RPTOR: variants seen among roughly 807,000 people sequenced by gnomAD.
RPTOR encodes regulatory associated protein of MTOR complex 1.
RPTOR carries 21 observed loss-of-function variants against 169.9 expected under a neutral mutation model. The ratio of observed to expected loss-of-function variants is 0.12; its 90% confidence interval spans 0.09 to 0.18. The LOEUF is 0.18. RPTOR is among the 10% of genes least tolerant of loss of function. The probability of loss-of-function intolerance (pLI) is 1.00; values close to 1 mark genes in which losing one functional copy is unlikely to be tolerated. For synonymous variants in RPTOR, 732 were observed against 753.2 expected (o/e 0.97, Z 0.46); for missense variants, 1,133 against 1,855.9 (o/e 0.61, Z 7.16).
Position 80,861,615 on chromosome 17 carries a change from G to A in RPTOR, c.1509+3715G>A, listed in dbSNP as rs1405640005. ...CCACGGATGAAGGACCATGTGTAGG[G>A]GCTCTGGGATGCACAAAACGGTGAC... On this transcript the variant is annotated intron_variant, in intron 13 of 33. Coordinates refer to ENST00000306801, the MANE Select transcript of RPTOR (RefSeq NM_020761.3). The surrounding 1 kb of genome is among the most constrained non-coding windows in gnomAD (Gnocchi z 4.5). Among the ~76,000 whole-genome samples the A allele has an allele frequency of 1.3e-5, 2 of 152,260 alleles. No individual in the cohort carries two copies. Among genetic ancestry groups the A allele is most frequent in the South Asian group, 2.1e-4 (1 of 4,820 alleles).
At position 80,695,667 on chromosome 17, in the gene RPTOR, G is replaced by A. The variant is rs1049209657; in HGVS notation, c.349-12174G>A. ...CGTTACCCCGAATTCCAGAATAATC[G>A]TGAGAAGGAGCCAGTGGAGTGGTGT... On this transcript the variant is annotated intron_variant, in intron 3 of 33. Coordinates refer to ENST00000306801, the MANE Select transcript of RPTOR (RefSeq NM_020761.3). This position sits in a 1 kb window ranked among gnomAD's most constrained non-coding sequence, Gnocchi z 4.9. Among the ~76,000 whole-genome samples, 2 of 152,180 alleles carry A rather than the reference G, an allele frequency of 1.3e-5. No homozygotes were observed. Among genetic ancestry groups the A allele is most frequent in the African/African-American group, 4.8e-5 (2 of 41,432 alleles).
At chr17:80,830,549 G>T (rs940085706) in intron 9 of RPTOR, among the ~76,000 whole-genome samples, 9 of 152,162 alleles carry the variant, frequency 5.9e-5, no homozygotes, top group African/African-American at 2.2e-4. Flanking sequence ...GGGCTGCTGC[G>T]CCCCACGGTG....
At chr17:80,776,863 G>A (rs923842121) in intron 6 of RPTOR, among the ~76,000 whole-genome samples, 2 of 152,158 alleles carry the variant, frequency 1.3e-5, no homozygotes, top group Non-Finnish European at 2.9e-5. Flanking sequence ...GTATTACAAG[G>A]CCGGAGACAG....
rs572438905 is a variant in RPTOR, at chr17:80,932,471, A to T, written c.2919+6991A>T. 1.8e-4 allele frequency among the ~76,000 whole-genome samples: 28 copies of T among 152,342 alleles called. 1 individual carries two copies. In the South Asian group the frequency reaches 5.6e-3, roughly 30 times the overall value. ...TTGGAACTATCAGAGATGGAGTGGA[A>T]ATAACCAAGATTAATATGACCTAAA... On this transcript the variant is annotated intron_variant, in intron 24 of 33. Coordinates refer to ENST00000306801, the MANE Select transcript of RPTOR (RefSeq NM_020761.3).
chr17:80,684,490 C>CTGGA (rs1265380397), intron 3 of RPTOR, among the ~76,000 whole-genome samples: 3 of 151,616 alleles, frequency 2.0e-5, no homozygotes, highest in African/African-American at 7.3e-5. Flanking sequence ...GCCGCCCAGG[C>CTGGA]TGGAGTTGCA....
chr17:80,718,352 C>G (rs1223150011), intron 4 of RPTOR, among the ~76,000 whole-genome samples: 1 of 152,128 alleles, frequency 6.6e-6, no homozygotes, highest in Non-Finnish European at 1.5e-5. Flanking sequence ...TATGTTCTAC[C>G]CTTACCCCTC....
chr17:80,845,201 C>T lies in RPTOR; in HGVS notation c.1213-1272C>T, dbSNP rs1322661553. Among the ~76,000 whole-genome samples the T allele has an allele frequency of 6.6e-6, 1 of 152,156 alleles. No homozygotes were observed. The highest frequency in any genetic ancestry group is 1.9e-4 in the East Asian group (1 of 5,176). On this transcript the variant is annotated intron_variant, in intron 10 of 33. Transcript: ENST00000306801. The surrounding 1 kb of genome is among the most constrained non-coding windows in gnomAD (Gnocchi z 5.4). ...TGCTCCATGGCACCCAGGCGAATCC[C>T]CCTCCACTCTGTGCCTGCACTCACG...
rs75073061 is a variant in RPTOR, at chr17:80,781,890, A to G, written c.831-9560A>G. On this transcript the variant is annotated intron_variant, in intron 6 of 33. Transcript: ENST00000306801. ...TATCTTGGTCTCCAGCCCAGTTTAG[A>G]CCTCCTTCTAGCTGATCTCTTCTCT... is the stretch of plus-strand genomic sequence containing the variant. Among the ~76,000 whole-genome samples the G allele has an allele frequency of 5.6e-4, 85 of 151,954 alleles. No homozygotes were observed. In the East Asian group the frequency reaches 0.011, roughly 19 times the overall value.
chr17:80,713,005 T>C (rs2066208460), intron 4 of RPTOR, among the ~76,000 whole-genome samples: 1 of 152,212 alleles, frequency 6.6e-6, no homozygotes, highest in African/African-American at 2.4e-5. Flanking sequence ...ATTTTAAGAA[T>C]CAGGTTGTTT....
At chr17:80,703,696 C>T (rs948087321) in intron 3 of RPTOR, among the ~76,000 whole-genome samples, 9 of 152,196 alleles carry the variant, frequency 5.9e-5, no homozygotes, top group Admixed American at 5.9e-4. Flanking sequence ...TTCCCAGGGC[C>T]CCAGTACTGC....
At chr17:80,663,119 T>TA (rs2065736944) in intron 3 of RPTOR, among the ~76,000 whole-genome samples, 1 of 152,224 alleles carries the variant, frequency 6.6e-6, no homozygotes, top group Non-Finnish European at 1.5e-5. Context: ...GGGTGAGGCT[T>TA]CTGAGACTCG....
chr17:80,893,315 G>GGTGTGTGCGCGCGCCAGGT (rs1329182650), intron 19 of RPTOR, among the ~76,000 whole-genome samples: 3 of 145,490 alleles, frequency 2.1e-5, no homozygotes, highest in Admixed American at 6.8e-5. Flanking sequence ...GTGTGCGCCA[G>GGTGTGTGCGCGCGCCAGGT]GTGTGTGCGC....
intron 1 of RPTOR, among the ~76,000 whole-genome samples, chr17:80,553,133 C>T (rs1196017412): frequency 2.0e-5 from 3 of 152,230 alleles, no homozygotes; most frequent in East Asian, 1.9e-4. Flanking sequence ...ATTTCTTTGC[C>T]ATGCACATGG....
intron 13 of RPTOR, among the ~76,000 whole-genome samples, chr17:80,862,775 G>T (rs1427839255): frequency 2.0e-5 from 3 of 149,450 alleles, no homozygotes; most frequent in African/African-American, 7.7e-5. Flanking sequence ...GTGACTCCTG[G>T]GGCTTGCCAT....
chr17:80,890,175 C>G (rs2068302687), intron 17 of RPTOR, among the ~76,000 whole-genome samples: 2 of 152,202 alleles, frequency 1.3e-5, no homozygotes, highest in Admixed American at 1.3e-4. Context: ...ACAGACGTGG[C>G]CCCTGTTGGC....
rs1487183401 is a variant in RPTOR at position 80,646,402 on chromosome 17, G to A, written c.348+2592G>A. ...GTAATAATAGCACTTGCCCCGGTGCGCGTGGCACACTGCTCCTCACAGCTT... is the reference window on the plus strand; with the variant it reads ...GTAATAATAGCACTTGCCCCGGTGCACGTGGCACACTGCTCCTCACAGCTT... On this transcript the variant is annotated intron_variant, in intron 3 of 33. Transcript: ENST00000306801. This position sits in a 1 kb window ranked among gnomAD's most constrained non-coding sequence, Gnocchi z 5.0. 2.6e-5 allele frequency among the ~76,000 whole-genome samples: 4 copies of A among 152,250 alleles called. No individual in the cohort carries two copies. The highest frequency in any genetic ancestry group is 2.1e-4 in the South Asian group (1 of 4,832).
At chr17:80,685,615 ATATATATATATATTTTTTTTTTTT>A (rs2065935082) in intron 3 of RPTOR, among the ~76,000 whole-genome samples, 1 of 11,348 alleles carries the variant, frequency 8.8e-5, no homozygotes, top group Non-Finnish European at 1.8e-4. Context: ...ATATATATAT[ATATATATATATATTTTTTTTTTTT>A]TTTTTTTTTT....
intron 13 of RPTOR, among the ~76,000 whole-genome samples, chr17:80,864,135 G>C (rs1657320617): frequency 6.6e-6 from 1 of 152,172 alleles, no homozygotes; most frequent in Non-Finnish European, 1.5e-5. Flanking sequence ...TAAACCCACA[G>C]ATCCACAAAG....
intron 9 of RPTOR, among the ~76,000 whole-genome samples, chr17:80,832,965 C>T (rs181759623): frequency 3.0e-4 from 46 of 152,320 alleles, no homozygotes; most frequent in African/African-American, 1.0e-3. Flanking sequence ...CTTCAGGCCG[C>T]GGCAGTAATG....
Sources: gnomAD v4.1 joint callset for allele counts (sites outside exome capture counted in the v4.1 genomes callset) on GRCh38, gnomAD v4.1.1 for gene constraint, Gnocchi (gnomAD v3.1) non-coding constraint, MANE v1.5 for transcripts, NCBI Gene and HGNC (gene_info 2026-07-23, HGNC 2026-07-21) for gene names.